Variants in CAMKMT observed in about 807,000 individuals in gnomAD.
CAMKMT encodes the protein CaM KMT.
Under a neutral mutation model 48.0 loss-of-function variants are expected in CAMKMT, and 53 were observed. That is an observed-to-expected ratio of 1.10 (90% CI 0.89 to 1.39). CAMKMT has a LOEUF of 1.39. CAMKMT is among the 40% of genes most tolerant of loss of function. The pLI is 0.00. For synonymous variants in CAMKMT, 165 were observed against 152.3 expected (o/e 1.08, Z -0.61); for missense variants, 428 against 402.7 (o/e 1.06, Z -0.54).
At chr2:44,615,287 C>T (rs897766472) in intron 3 of CAMKMT, among the ~76,000 whole-genome samples, 2 of 151,946 alleles carry the variant, frequency 1.3e-5, no homozygotes, top group African/African-American at 4.8e-5. Flanking sequence ...TTGCATTTGG[C>T]TGGTATATAG....
chr2:44,516,247 G>A (rs1053142966), intron 3 of CAMKMT, among the ~76,000 whole-genome samples: 8 of 152,118 alleles, frequency 5.3e-5, no homozygotes, highest in African/African-American at 1.9e-4. Flanking sequence ...TTCCCACTGC[G>A]AGTTTTTTAG....
rs764981595 is a variant in CAMKMT, at chr2:44,390,311, T to G, written c.376+6T>G. 2 of 1,575,270 alleles carry G rather than the reference T, an allele frequency of 1.3e-6. No homozygotes were observed. Among genetic ancestry groups the G allele is most frequent in the Non-Finnish European group, 1.7e-6 (2 of 1,151,938 alleles). On this transcript the variant is annotated splice_donor_region_variant and intron_variant, in intron 3 of 10. Coordinates refer to ENST00000378494, the MANE Select transcript of CAMKMT (RefSeq NM_024766.5). ...TGACAATACAGGAAATGTTTGTAAG[T>G]TATACATTCACTCTATAGAAATATA...
At chr2:44,710,424 C>T (rs1388687821) in intron 6 of CAMKMT, among the ~76,000 whole-genome samples, 1 of 151,890 alleles carries the variant, frequency 6.6e-6, no homozygotes, top group Non-Finnish European at 1.5e-5. Context: ...GGTAGTTTTC[C>T]CTAAAGTCTC....
At chr2:44,449,895 A>G (rs375778552) in intron 3 of CAMKMT, among the ~76,000 whole-genome samples, 41 of 152,262 alleles carry the variant, frequency 2.7e-4, no homozygotes, top group Non-Finnish European at 4.6e-4. Context: ...ATTGTTTTAC[A>G]TATGTCCTTT....
At chr2:44,729,814 C>T (rs1402832851) in intron 7 of CAMKMT, among the ~76,000 whole-genome samples, 2 of 152,086 alleles carry the variant, frequency 1.3e-5, no homozygotes, top group African/African-American at 4.8e-5. Flanking sequence ...AAGTGTGGCC[C>T]CCTGACCAGC....
In CAMKMT at chr2:44,541,918, C is replaced by G. The variant is rs183338587; in HGVS notation, c.376+151613C>G. Among the ~76,000 whole-genome samples, 433 of 152,210 alleles carry G rather than the reference C, an allele frequency of 2.8e-3. 1 individual carries two copies. Among genetic ancestry groups the G allele is most frequent in the African/African-American group, 7.8e-3 (325 of 41,534 alleles). Reference sequence around the variant, plus strand: ...CTGAGGCAGGCAGATCACCTGCAGTCAGGAGTTTGAGACCAACTTGACCAA... The same window carrying G: ...CTGAGGCAGGCAGATCACCTGCAGTGAGGAGTTTGAGACCAACTTGACCAA... On this transcript the variant is annotated intron_variant, in intron 3 of 10. Transcript: ENST00000378494.
At chr2:44,602,458 A>G (rs945662849) in intron 3 of CAMKMT, among the ~76,000 whole-genome samples, 1 of 152,142 alleles carries the variant, frequency 6.6e-6, no homozygotes, top group African/African-American at 2.4e-5. Flanking sequence ...GTAAACACAC[A>G]TATATCCACC....
intron 3 of CAMKMT, among the ~76,000 whole-genome samples, chr2:44,508,022 G>T (rs1558664449): frequency 6.6e-6 from 1 of 152,174 alleles, no homozygotes; most frequent in Admixed American, 6.5e-5. Context: ...TAAATGTTTA[G>T]CACTTATGGG....
rs138523245 is a variant in CAMKMT, at chr2:44,486,970, T to G, written c.376+96665T>G. Among the ~76,000 whole-genome samples, 518 of 152,352 alleles carry G rather than the reference T, an allele frequency of 3.4e-3. 3 individuals are homozygous for G. The highest frequency in any genetic ancestry group is 6.3e-3 in the Non-Finnish European group (431 of 68,034). Reference sequence around the variant, plus strand: ...AACATGAAATATGCTTAACTATGTGTTTCACTATTTTATAGATAGATTTGA... The same window carrying G: ...AACATGAAATATGCTTAACTATGTGGTTCACTATTTTATAGATAGATTTGA... On this transcript the variant is annotated intron_variant, in intron 3 of 10. Coordinates refer to ENST00000378494, the MANE Select transcript of CAMKMT (RefSeq NM_024766.5).
intron 1 of CAMKMT, among the ~76,000 whole-genome samples, chr2:44,362,813 T>A (rs1483379945): frequency 6.6e-6 from 1 of 152,212 alleles, no homozygotes; most frequent in African/African-American, 2.4e-5. Context: ...TACTTCAAAG[T>A]TTCTGCTGTT....
At chr2:44,723,395 T>C (rs1022172088) in intron 7 of CAMKMT, among the ~76,000 whole-genome samples, 2 of 151,984 alleles carry the variant, frequency 1.3e-5, no homozygotes, top group African/African-American at 4.8e-5. Flanking sequence ...GTTCAAGACC[T>C]GCGTGGCCAA....
intron 3 of CAMKMT, among the ~76,000 whole-genome samples, chr2:44,689,443 A>G (rs970041345): frequency 6.6e-6 from 1 of 151,754 alleles, no homozygotes; most frequent in Non-Finnish European, 1.5e-5. Context: ...GCACAGTTTT[A>G]AAAGGGAAAA....
At chr2:44,580,823 A>G (rs932779484) in intron 3 of CAMKMT, among the ~76,000 whole-genome samples, 2 of 152,230 alleles carry the variant, frequency 1.3e-5, no homozygotes, top group Non-Finnish European at 2.9e-5. Context: ...ATTTGCTAGC[A>G]TTGATCTGCC....
intron 3 of CAMKMT, among the ~76,000 whole-genome samples, chr2:44,620,584 T>G (rs1672125803): frequency 6.6e-6 from 1 of 152,242 alleles, no homozygotes. Flanking sequence ...TTCAAATCCA[T>G]ACCTCTTTAA....
At chr2:44,631,149 A>C (rs141025142) in intron 3 of CAMKMT, among the ~76,000 whole-genome samples, 18,691 of 152,224 alleles carry the variant, frequency 0.12, 1,321 homozygotes, top group Admixed American at 0.22. Flanking sequence ...TCGCAAGAAC[A>C]AAAAACCAAA....
intron 4 of CAMKMT, chr2:44,705,607 C>CAA: frequency 1.1e-6 from 1 of 870,314 alleles, no homozygotes; most frequent in Non-Finnish European, 1.4e-6. Context: ...GCTGTGAAGT[C>CAA]AGAGCCCAGT....
chr2:44,478,769 C>T (rs557463375), intron 3 of CAMKMT, among the ~76,000 whole-genome samples: 3 of 149,400 alleles, frequency 2.0e-5, no homozygotes, highest in East Asian at 3.9e-4. Flanking sequence ...GGCACGATCT[C>T]GGCTCACTGC....
intron 7 of CAMKMT, among the ~76,000 whole-genome samples, chr2:44,738,694 G>A (rs533408994): frequency 6.6e-6 from 1 of 152,284 alleles, no homozygotes; most frequent in South Asian, 2.1e-4. Context: ...TGGGGAAAGA[G>A]AGAAGAAACA....
chr2:44,596,528 C>A (rs1464962067), intron 3 of CAMKMT, among the ~76,000 whole-genome samples: 2 of 152,040 alleles, frequency 1.3e-5, no homozygotes, highest in African/African-American at 4.8e-5. Context: ...GAAACCCAGT[C>A]TGTGGATGAA....
Sources: allele counts gnomAD v4.1 joint callset (sites outside exome capture counted in the v4.1 genomes callset), GRCh38; gene constraint gnomAD v4.1.1; transcripts MANE v1.5; gene names NCBI Gene and HGNC (gene_info 2026-07-23, HGNC 2026-07-21).